The following PLEKHG1 variants were observed in gnomAD, a reference collection of about 807,000 sequenced individuals.
PLEKHG1 encodes the protein pleckstrin homology and RhoGEF domain containing G1.
Under a neutral mutation model 100.8 loss-of-function variants are expected in PLEKHG1, and 44 were observed. The observed-to-expected ratio is 0.44, with a 90% CI of 0.34 to 0.56. The LOEUF is 0.56. PLEKHG1 is among the 20% of genes least tolerant of loss of function. The pLI, the probability that PLEKHG1 is intolerant of heterozygous loss-of-function variation, is 0.01. For synonymous variants in PLEKHG1, 640 were observed against 662.5 expected (o/e 0.97, Z 0.52); for missense variants, 1,545 against 1,720.9 (o/e 0.90, Z 1.81).
intron 2 of PLEKHG1, among the ~76,000 whole-genome samples, chr6:150,750,756 G>A (rs13217275): frequency 0.089 from 10,900 of 122,262 alleles, 819 homozygotes; most frequent in African/African-American, 0.25. Context: ...ACTCCAGCCT[G>A]GGCGACAGAG....
intron 13 of PLEKHG1, among the ~76,000 whole-genome samples, chr6:150,823,372 G>C (rs964480945): frequency 6.6e-6 from 1 of 152,100 alleles, no homozygotes; most frequent in East Asian, 1.9e-4. Context: ...ATTTTTGTTC[G>C]GAAGCTTTTG....
chr6:150,737,514 G>A (rs985242242), intron 2 of PLEKHG1, among the ~76,000 whole-genome samples: 1 of 151,826 alleles, frequency 6.6e-6, no homozygotes, highest in Non-Finnish European at 1.5e-5. Flanking sequence ...GGATGGTCTC[G>A]ATCTCCTGAC....
chr6:150,633,558 AG>A (rs1777853430), intron 1 of PLEKHG1, among the ~76,000 whole-genome samples: 1 of 152,182 alleles, frequency 6.6e-6, no homozygotes, highest in Non-Finnish European at 1.5e-5. Flanking sequence ...ATAAGTCTGG[AG>A]GCTTTGGCTG....
chr6:150,764,660 G>A (rs1784366369), intron 2 of PLEKHG1, among the ~76,000 whole-genome samples: 1 of 152,052 alleles, frequency 6.6e-6, no homozygotes, highest in African/African-American at 2.4e-5. Flanking sequence ...TCCTTTTAGT[G>A]TCCTTTTTGT....
chr6:150,809,602 G>A, intron 9 of PLEKHG1, 46 bp from the exon 11 acceptor site: 2 of 1,554,142 alleles, frequency 1.3e-6, no homozygotes, highest in South Asian at 2.2e-5. Flanking sequence ...GGGTCCTGTG[G>A]GTGGTGGAAT....
At chr6:150,655,034 A>T (rs774562237) in intron 3 of PLEKHG1, among the ~76,000 whole-genome samples, 1 of 152,242 alleles carries the variant, frequency 6.6e-6, no homozygotes, top group Non-Finnish European at 1.5e-5. Context: ...GTTTAAAATC[A>T]TTATACAAAC....
chr6:150,653,347 C>T (rs1158779154), intron 3 of PLEKHG1, among the ~76,000 whole-genome samples: 3 of 151,996 alleles, frequency 2.0e-5, no homozygotes, highest in African/African-American at 7.2e-5. Context: ...GCCAAATTGT[C>T]CAAGGGCCAC....
In PLEKHG1 at chr6:150,769,413, C is replaced by T. The variant is rs1314048371; in HGVS notation, c.512+675C>T. 2.0e-5 allele frequency among the ~76,000 whole-genome samples: 3 copies of T among 151,740 alleles called. No individual in the cohort carries two copies. The East Asian group carries it at 5.8e-4, about 29-fold the overall frequency. On this transcript the variant is annotated intron_variant, in intron 3 of 15. Transcript: ENST00000358517. ...CCTGGCCAATATGGTGAAACCCCAT[C>T]TCTACTAAAAATACAAAAATTAGCC...
At chr6:150,832,747 A>T (rs1377417847) in intron 15 of PLEKHG1, among the ~76,000 whole-genome samples, 22 of 144,716 alleles carry the variant, frequency 1.5e-4, no homozygotes, top group African/African-American at 5.7e-4. Context: ...TGACACAATC[A>T]CAGCTCACTG....
chr6:150,750,145 C>G (rs1304388190), intron 2 of PLEKHG1, among the ~76,000 whole-genome samples: 1 of 152,116 alleles, frequency 6.6e-6, no homozygotes, highest in Non-Finnish European at 1.5e-5. Context: ...ATTATAATGT[C>G]TTTTGTGAGA....
At chr6:150,778,763 A>G (rs1785129899) in intron 3 of PLEKHG1, among the ~76,000 whole-genome samples, 1 of 152,182 alleles carries the variant, frequency 6.6e-6, no homozygotes, top group South Asian at 2.1e-4. Flanking sequence ...GTGGATAGGA[A>G]CAGCTTCATG....
intron 3 of PLEKHG1, among the ~76,000 whole-genome samples, chr6:150,694,315 G>A (rs981738625): frequency 2.6e-5 from 4 of 152,270 alleles, no homozygotes; most frequent in Admixed American, 2.0e-4. Context: ...ATCTCTCAGT[G>A]CCTCATTTTT....
rs376194754 is a variant in PLEKHG1, at chr6:150,813,978, C to G, written c.1279-4205C>G. Reference sequence around the variant, plus strand: ...GGGCTGAGATTTCTGAGAAAGGGGACAGTCTGTTTTGTTCTCTGTATATTT... The same window carrying G: ...GGGCTGAGATTTCTGAGAAAGGGGAGAGTCTGTTTTGTTCTCTGTATATTT... On this transcript the variant is annotated intron_variant, in intron 10 of 15. Transcript: ENST00000358517. Among the ~76,000 whole-genome samples, 57 of 152,180 alleles carry G rather than the reference C, an allele frequency of 3.7e-4. No homozygotes were observed. In the South Asian group the frequency reaches 0.011, roughly 31 times the overall value.
intron 14 of PLEKHG1, among the ~76,000 whole-genome samples, chr6:150,829,029 T>A (rs34739398): frequency 6.6e-6 from 1 of 152,232 alleles, no homozygotes; most frequent in Admixed American, 6.5e-5. Flanking sequence ...TCCATTATTG[T>A]CTCTCTACTC....
rs556861478 is a variant in PLEKHG1 at position 150,817,892 on chromosome 6, T to C, written c.1279-291T>C. Among the ~76,000 whole-genome samples, 173 of 151,682 alleles carry C rather than the reference T, an allele frequency of 1.1e-3. 1 individual carries two copies. In the South Asian group the frequency reaches 0.035, roughly 30 times the overall value. On this transcript the variant is annotated intron_variant, in intron 10 of 15. Coordinates refer to ENST00000358517, the Ensembl canonical transcript of PLEKHG1. ...TCTGCATTTTTAATAAGCTGGCCAA[T>C]GAGTGCTGATGATCAGCCAGGCTTC...
At chr6:150,835,071 G>A (rs1777154275) in intron 15 of PLEKHG1, among the ~76,000 whole-genome samples, 1 of 152,126 alleles carries the variant, frequency 6.6e-6, no homozygotes, top group South Asian at 2.1e-4. Flanking sequence ...GCGGAAGGAG[G>A]AGCACCTTAT....
intron 4 of PLEKHG1, among the ~76,000 whole-genome samples, chr6:150,787,785 G>A (rs1785714631): frequency 6.6e-6 from 1 of 152,138 alleles, no homozygotes; most frequent in Non-Finnish European, 1.5e-5. Flanking sequence ...ATATGTAAAG[G>A]CACAATCCAT....
intron 3 of PLEKHG1, among the ~76,000 whole-genome samples, chr6:150,682,800 TC>T (rs1478352222): frequency 6.6e-6 from 1 of 152,024 alleles, no homozygotes; most frequent in Non-Finnish European, 1.5e-5. Context: ...AGTTTTCCCT[TC>T]CTATGCATGC....
Position 150,643,380 on chromosome 6 carries a change from G to A in PLEKHG1, c.-158+5255G>A, listed in dbSNP as rs80194161. Among the ~76,000 whole-genome samples, 1,039 of 152,234 alleles carry A rather than the reference G, an allele frequency of 6.8e-3. 12 individuals are homozygous for A. The highest frequency in any genetic ancestry group is 0.024 in the African/African-American group (995 of 41,544). ...CAGTGTAACACATCTTAATAATGTAGTAAGAACCTCAATCAGTCCTGCCTC... is the reference window on the plus strand; with the variant it reads ...CAGTGTAACACATCTTAATAATGTAATAAGAACCTCAATCAGTCCTGCCTC... On this transcript the variant is annotated intron_variant, in intron 2 of 3. Transcript: ENST00000367326.
Sources: allele counts gnomAD v4.1 joint callset (sites outside exome capture counted in the v4.1 genomes callset), GRCh38; gene constraint gnomAD v4.1.1; transcripts MANE v1.5; gene names NCBI Gene and HGNC (gene_info 2026-07-23, HGNC 2026-07-21).